Variants in VKORC1L1 observed in about 807,000 individuals in gnomAD.
The protein encoded by VKORC1L1 is vitamin K epoxide reductase complex subunit 1-like protein 1.
VKORC1L1 carries 2 observed loss-of-function variants against 18.9 expected under a neutral mutation model. That is an observed-to-expected ratio of 0.11 (90% confidence interval 0.04 to 0.33). The LOEUF is 0.33. Ranked by LOEUF, VKORC1L1 falls within the 10% of genes least tolerant of loss-of-function variation. The probability of loss-of-function intolerance (pLI) is 1.00; values close to 1 mark genes in which losing one functional copy is unlikely to be tolerated. For synonymous variants in VKORC1L1, 96 were observed against 100.0 expected, an observed-to-expected ratio of 0.96 and a Z score of 0.24; for missense variants, 123 against 224.1, an observed-to-expected ratio of 0.55 and a Z score of 2.88.
chr7:65,893,869 A>G (rs1789147320), intron 1 of VKORC1L1, among the ~76,000 whole-genome samples: 1 of 152,180 alleles, frequency 6.6e-6, no homozygotes, highest in Admixed American at 6.5e-5. Flanking sequence ...GCATTTCCAC[A>G]TACATTTTAG....
intron 2 of VKORC1L1, among the ~76,000 whole-genome samples, chr7:65,952,822 G>C (rs2115752767): frequency 9.2e-6 from 1 of 108,422 alleles, no homozygotes; most frequent in Admixed American, 1.5e-4. Flanking sequence ...TTAAGACTCT[G>C]TCGCCCAGGC....
chr7:65,908,836 CAAAA>C (rs5884577), intron 1 of VKORC1L1, among the ~76,000 whole-genome samples: 1 of 104,948 alleles, frequency 9.5e-6, no homozygotes, highest in Non-Finnish European at 2.0e-5. Flanking sequence ...GACTCCATCT[CAAAA>C]AAAAAAAAAA....
Position 65,954,700 on chromosome 7 carries a change from G to T in VKORC1L1, c.*400G>T, listed in dbSNP as rs1013716423. 4 of 215,302 alleles carry T rather than the reference G, an allele frequency of 1.9e-5. No homozygotes were observed. The highest frequency in any genetic ancestry group is 3.6e-5 in the Non-Finnish European group (4 of 109,672). 13.3% of individuals were successfully genotyped at this position (215,302 alleles called of 1,614,324 possible). ...ATGAAAATATTCTAGAATAGATACT[G>T]TATTAAATATTGCCATGTTTACAAT... On this transcript the variant is annotated 3_prime_UTR_variant, in exon 3 of 3. Coordinates refer to ENST00000360768, the MANE Select transcript of VKORC1L1 (RefSeq NM_173517.6).
chr7:65,894,706 C>T (rs1415966983), intron 1 of VKORC1L1, among the ~76,000 whole-genome samples: 1 of 151,908 alleles, frequency 6.6e-6, no homozygotes, highest in Non-Finnish European at 1.5e-5. Context: ...CCAGCCTGGG[C>T]GACAGAGCGA....
chr7:65,868,239 G>T (rs527832233), upstream of VKORC1L1, among the ~76,000 whole-genome samples: 21 of 152,250 alleles, frequency 1.4e-4, no homozygotes, highest in African/African-American at 5.1e-4. Flanking sequence ...CAGATAACTG[G>T]AGGTCAGGAG....
In VKORC1L1 at chr7:65,873,283, GTGGCGGCGGTGGCGGCTGGGT is replaced by G; in HGVS notation, c.-88_-68del. On this transcript the variant is annotated 5_prime_UTR_variant, in exon 1 of 3. Transcript: ENST00000360768. ...GGTGGCGGCGGCGGCGGAGGCGGCG[GTGGCGGCGGTGGCGGCTGGGT>G]CGGGCCCCGACGGGCGGCGGCGGCT... is the stretch of plus-strand genomic sequence containing the variant. 1 of 1,012,092 alleles carries G rather than the reference GTGGCGGCGGTGGCGGCTGGGT, an allele frequency of 9.9e-7. No homozygotes were observed. The highest frequency in any genetic ancestry group is 1.2e-6 in the Non-Finnish European group (1 of 849,494). The allele number at this position is 1,012,092 out of a possible 1,614,324, so 62.7% of individuals were successfully genotyped here.
intron 1 of VKORC1L1, among the ~76,000 whole-genome samples, chr7:65,906,241 C>T (rs942757715): frequency 1.3e-5 from 2 of 151,778 alleles, no homozygotes; most frequent in Non-Finnish European, 2.9e-5. Context: ...TCGAGACCAG[C>T]CTGGTGCCAG....
intron 1 of VKORC1L1, among the ~76,000 whole-genome samples, chr7:65,892,604 G>A (rs1324084312): frequency 1.3e-5 from 2 of 152,134 alleles, no homozygotes; most frequent in Non-Finnish European, 2.9e-5. Flanking sequence ...ATTATTTTCT[G>A]TTACTGTTTT....
chr7:65,941,994 C>T (rs1790042640), intron 1 of VKORC1L1, among the ~76,000 whole-genome samples: 1 of 152,124 alleles, frequency 6.6e-6, no homozygotes, highest in Non-Finnish European at 1.5e-5. Context: ...TACTGATTCA[C>T]GCATGTGTTC....
At chr7:65,950,667 T>C (rs1790198205) in intron 2 of VKORC1L1, among the ~76,000 whole-genome samples, 1 of 152,096 alleles carries the variant, frequency 6.6e-6, no homozygotes, top group Non-Finnish European at 1.5e-5. Context: ...TAGATAATGG[T>C]TGAATAAATT....
chr7:65,870,222 C>G (rs1384368087), upstream of VKORC1L1, among the ~76,000 whole-genome samples: 1 of 148,160 alleles, frequency 6.7e-6, no homozygotes, highest in East Asian at 2.0e-4. Context: ...GAGTTCGAGA[C>G]CAGCCTGACC....
the VKORC1L1 span, among the ~76,000 whole-genome samples, chr7:65,867,904 T>G: frequency 1.6e-4 from 25 of 152,282 alleles, no homozygotes; most frequent in East Asian, 2.1e-3. Flanking sequence ...TGGAGTCCAG[T>G]TGTGCAATCT....
chr7:65,943,197 G>A (rs1051012185), intron 1 of VKORC1L1, among the ~76,000 whole-genome samples: 7 of 151,892 alleles, frequency 4.6e-5, no homozygotes, highest in South Asian at 4.2e-4. Flanking sequence ...CCAGGAGTTC[G>A]AGACGAGCCT....
In VKORC1L1 at chr7:65,958,681, G is replaced by A. The variant is rs1398406130; in HGVS notation, c.*4381G>A. On this transcript the variant is annotated 3_prime_UTR_variant, in exon 3 of 3. Transcript: ENST00000360768. The stretch of plus-strand genomic sequence containing the variant: ...CCTCATTTCTAAGGTATACAGGGTT[G>A]ATTCTTTTTCTCTTAAATCATATGT... 1 of 152,154 alleles carries A rather than the reference G, an allele frequency of 6.6e-6. No homozygotes were observed. Among genetic ancestry groups the A allele is most frequent in the Non-Finnish European group, 1.5e-5 (1 of 68,032 alleles). 9.4% of individuals were successfully genotyped at this position (152,154 alleles called of 1,614,324 possible).
At chr7:65,930,219 C>CTA (rs1789836212) in intron 1 of VKORC1L1, among the ~76,000 whole-genome samples, 1 of 152,086 alleles carries the variant, frequency 6.6e-6, no homozygotes, top group Non-Finnish European at 1.5e-5. Context: ...ATGAGTAAAG[C>CTA]TATTATTCAG....
At chr7:65,947,629 G>A (rs531368540) in intron 1 of VKORC1L1, among the ~76,000 whole-genome samples, 1 of 151,918 alleles carries the variant, frequency 6.6e-6, no homozygotes, top group Non-Finnish European at 1.5e-5. Flanking sequence ...GGCATATAAT[G>A]TATCCAGTTT....
chr7:65,934,762 A>T (rs1789913498), intron 1 of VKORC1L1, among the ~76,000 whole-genome samples: 1 of 152,146 alleles, frequency 6.6e-6, no homozygotes, highest in African/African-American at 2.4e-5. Flanking sequence ...TAGATATTAA[A>T]AAAAAGTCTA....
At chr7:65,931,519 T>C (rs1789857206) in intron 1 of VKORC1L1, among the ~76,000 whole-genome samples, 1 of 152,228 alleles carries the variant, frequency 6.6e-6, no homozygotes, top group Non-Finnish European at 1.5e-5. Context: ...TATTATCCTC[T>C]TAATGTATAT....
chr7:65,882,190 A>G (rs1284944999), intron 1 of VKORC1L1, among the ~76,000 whole-genome samples: 2 of 149,080 alleles, frequency 1.3e-5, no homozygotes, highest in Non-Finnish European at 3.0e-5. Context: ...GACCAGCCTG[A>G]CCAACATGGT....
Sources: gnomAD v4.1 joint callset for allele counts (sites outside exome capture counted in the v4.1 genomes callset) on GRCh38, gnomAD v4.1.1 for gene constraint, MANE v1.5 for transcripts, NCBI Gene and HGNC (gene_info 2026-07-23, HGNC 2026-07-21) for gene names.